OSBP2: variants seen among roughly 807,000 people sequenced by gnomAD.
OSBP2 encodes oxysterol-binding protein 2.
Under a neutral mutation model 96.0 loss-of-function variants are expected in OSBP2, and 66 were observed. The ratio of observed to expected loss-of-function variants is 0.69; its 90% CI spans 0.56 to 0.84. The LOEUF (loss-of-function observed/expected upper bound fraction) is 0.84, where lower values mean the gene tolerates loss of function less well. Ranked by LOEUF, OSBP2 falls within the 40% of genes least tolerant of loss-of-function variation. The pLI is 0.00. For missense variants in OSBP2, 1,038 were observed against 1,222.7 expected (o/e 0.85, Z 2.25); for synonymous variants, 525 against 520.9 (o/e 1.01, Z -0.11).
chr22:30,740,496 A>G (rs1197569613), intron 1 of OSBP2, among the ~76,000 whole-genome samples: 4 of 152,244 alleles, frequency 2.6e-5, no homozygotes, highest in Non-Finnish European at 5.9e-5. Flanking sequence ...GCTTCGGGAA[A>G]GGGCTGTTCC....
At chr22:30,752,021 C>T (rs1398945570) in intron 2 of OSBP2, among the ~76,000 whole-genome samples, 1 of 152,134 alleles carries the variant, frequency 6.6e-6, no homozygotes, top group African/African-American at 2.4e-5. Flanking sequence ...GAGGGGTCTG[C>T]AAGCTGGGAC....
intron 2 of OSBP2, among the ~76,000 whole-genome samples, chr22:30,854,296 A>C (rs1471387680): frequency 7.3e-6 from 1 of 136,288 alleles, no homozygotes; most frequent in African/African-American, 2.7e-5. Flanking sequence ...TTCTTGCTTT[A>C]TACAGTTATC....
At chr22:30,880,062 A>T (rs973901789) in intron 3 of OSBP2, among the ~76,000 whole-genome samples, 17 of 151,434 alleles carry the variant, frequency 1.1e-4, no homozygotes, top group Non-Finnish European at 4.4e-5. Context: ...AAAAAAAAAT[A>T]GGTGAGGCCA....
At chr22:30,717,211 A>C (rs1176891281) in intron 1 of OSBP2, among the ~76,000 whole-genome samples, 1 of 151,020 alleles carries the variant, frequency 6.6e-6, no homozygotes, top group African/African-American at 2.4e-5. Flanking sequence ...TCAGCCTCCC[A>C]AGTAGCTGGG....
intron 1 of OSBP2, among the ~76,000 whole-genome samples, chr22:30,698,191 A>G (rs71331262): frequency 0.076 from 11,528 of 152,174 alleles, 482 homozygotes; most frequent in Non-Finnish European, 0.091. Context: ...TATCTCCTCC[A>G]GCCCTCTCCA....
chr22:30,862,543 G>C (rs1048715682), intron 2 of OSBP2, among the ~76,000 whole-genome samples: 1 of 152,162 alleles, frequency 6.6e-6, no homozygotes, highest in Non-Finnish European at 1.5e-5. Context: ...AGCTGGGCCT[G>C]GTGGCACATG....
chr22:30,769,109 A>T (rs1219476769), intron 2 of OSBP2, among the ~76,000 whole-genome samples: 2 of 152,198 alleles, frequency 1.3e-5, no homozygotes. Flanking sequence ...CGGAACTAGA[A>T]AGCTGGGCTC....
At chr22:30,742,548 G>C (rs890915738) in intron 2 of OSBP2, among the ~76,000 whole-genome samples, 2 of 152,128 alleles carry the variant, frequency 1.3e-5, no homozygotes, top group African/African-American at 2.4e-5. Flanking sequence ...AGAGATACTT[G>C]TATCTTCACA....
chr22:30,791,024 C>T (rs895066207), intron 2 of OSBP2, among the ~76,000 whole-genome samples: 5 of 151,962 alleles, frequency 3.3e-5, no homozygotes, highest in African/African-American at 1.2e-4. Flanking sequence ...TGTTTTGTCA[C>T]CCAGGCTGGA....
rs1002382369 is a variant in OSBP2 at position 30,893,650 on chromosome 22, G to A, written c.2107G>A (p.Glu703Lys). 5.0e-6 allele frequency: 8 copies of A among 1,614,062 alleles called. No individual in the cohort carries two copies. Among genetic ancestry groups the A allele is most frequent in the East Asian group, 4.5e-5 (2 of 44,900 alleles). ...KLWIDQSGDIEIVNHKTNDRC... is the reference protein window; with the variant it reads ...KLWIDQSGDIKIVNHKTNDRC... The stretch of plus-strand genomic sequence containing the variant: ...CCTCCTTCGCCAGTCAGGGGACATC[G>A]AGATTGTGAACCATAAGACCAATGA... Residue 703 changes from glutamate (E) to lysine (K), a missense_variant, in exon 11 of 14, where the codon GAG becomes AAG. Glu to Lys is a moderately conservative substitution (Grantham distance 56). Around this residue, in one of 3 missense-constraint regions of OSBP2, gnomAD observed 737 missense variants for 913.3 expected, o/e 0.81. Coordinates refer to ENST00000332585, the MANE Select transcript of OSBP2 (RefSeq NM_030758.4).
chr22:30,717,067 A>T (rs1488355355), intron 1 of OSBP2, among the ~76,000 whole-genome samples: 4 of 130,424 alleles, frequency 3.1e-5, no homozygotes, highest in South Asian at 2.7e-4. Context: ...ATTTAAATCT[A>T]TTTTGTTTTA....
intron 2 of OSBP2, among the ~76,000 whole-genome samples, chr22:30,804,030 G>A (rs2090892776): frequency 6.6e-6 from 1 of 152,214 alleles, no homozygotes; most frequent in South Asian, 2.1e-4. Flanking sequence ...AGGGGGAGAT[G>A]TGTTTAAACT....
intron 1 of OSBP2, among the ~76,000 whole-genome samples, chr22:30,725,150 TG>T (rs1320638146): frequency 7.4e-6 from 1 of 135,532 alleles, no homozygotes; most frequent in Non-Finnish European, 1.5e-5. Flanking sequence ...CACTCCAGCC[TG>T]GGTGACAGAG....
chr22:30,803,111 G>A (rs534869145), intron 2 of OSBP2: 99 of 210,852 alleles, frequency 4.7e-4, no homozygotes, highest in African/African-American at 2.2e-3. Flanking sequence ...GGCAGCAGCA[G>A]CAGCTGCAAG....
At chr22:30,776,380 C>T (rs1318624346) in intron 2 of OSBP2, among the ~76,000 whole-genome samples, 2 of 152,166 alleles carry the variant, frequency 1.3e-5, no homozygotes, top group African/African-American at 4.8e-5. Flanking sequence ...CCGCCCCTGC[C>T]TCCCAACATG....
At chr22:30,858,908 A>ATAATAATAATAATAATAATAC (rs2039147331) in intron 2 of OSBP2, among the ~76,000 whole-genome samples, 1 of 150,716 alleles carries the variant, frequency 6.6e-6, no homozygotes, top group Non-Finnish European at 1.5e-5. Flanking sequence ...AATAATAATA[A>ATAATAATAATAATAATAATAC]TAATAAAAGC....
intron 2 of OSBP2, among the ~76,000 whole-genome samples, chr22:30,847,883 C>A (rs970605918): frequency 6.6e-6 from 1 of 152,002 alleles, no homozygotes; most frequent in Non-Finnish European, 1.5e-5. Context: ...CTCAATCTGG[C>A]TAGAGGTTTA....
rs1352048157 is a variant in OSBP2, at chr22:30,874,245, AAAAC to A, written c.1107+3575_1107+3578del. Among the ~76,000 whole-genome samples the A allele has an allele frequency of 7.2e-5, 11 of 151,932 alleles. No individual in the cohort carries two copies. In the East Asian group the frequency reaches 1.9e-3, roughly 27 times the overall value. Reference sequence around the variant, plus strand: ...GAGTGAGACTCTGTCTCAAAAAAACAAAACAAACAAACAAAACTTAGCCAGACAT... The same window carrying A: ...GAGTGAGACTCTGTCTCAAAAAAACAAAACAAACAAAACTTAGCCAGACAT... On this transcript the variant is annotated intron_variant, in intron 3 of 13. Transcript: ENST00000332585.
intron 2 of OSBP2, among the ~76,000 whole-genome samples, chr22:30,861,721 C>T (rs1310003184): frequency 6.6e-6 from 1 of 152,138 alleles, no homozygotes; most frequent in African/African-American, 2.4e-5. Flanking sequence ...GGCAGAACCC[C>T]CACAGGGCCC....
Sources: allele counts gnomAD v4.1 joint callset (sites outside exome capture counted in the v4.1 genomes callset), GRCh38; gene constraint gnomAD v4.1.1; regional missense constraint gnomAD v4.1.1; transcripts MANE v1.5; gene names NCBI Gene and HGNC (gene_info 2026-07-23, HGNC 2026-07-21).